The following MEGF11 variants were observed in gnomAD, a reference collection of about 807,000 sequenced individuals.
MEGF11 encodes the protein multiple epidermal growth factor-like domains protein 11.
MEGF11 carries 126 observed loss-of-function variants against 146.6 expected under a neutral mutation model. The observed-to-expected ratio is 0.86, with a 90% confidence interval of 0.74 to 1.00. The LOEUF (loss-of-function observed/expected upper bound fraction) is 1.00. Ranked by LOEUF, MEGF11 falls within the 50% of genes least tolerant of loss-of-function variation. The pLI, the probability that MEGF11 is intolerant of heterozygous loss-of-function variation, is 0.00. For missense variants in MEGF11, 1,509 were observed against 1,521.2 expected, an observed-to-expected ratio of 0.99 and a Z score of 0.13; for synonymous variants, 532 against 583.4, an observed-to-expected ratio of 0.91 and a Z score of 1.27.
intron 1 of MEGF11, among the ~76,000 whole-genome samples, chr15:66,148,488 G>A (rs1036018979): frequency 3.9e-5 from 6 of 152,162 alleles, no homozygotes; most frequent in Admixed American, 3.9e-4. Flanking sequence ...ATGGGGCTGG[G>A]GCAGGAAGAA....
intron 1 of MEGF11, among the ~76,000 whole-genome samples, chr15:66,243,857 A>G (rs542750947): frequency 6.0e-4 from 92 of 152,186 alleles, no homozygotes; most frequent in African/African-American, 2.1e-3. Context: ...ACCTCTACCG[A>G]CCTGCAGAAT....
At chr15:65,952,036 C>A (rs906698662) in intron 10 of MEGF11, among the ~76,000 whole-genome samples, 4 of 152,062 alleles carry the variant, frequency 2.6e-5, no homozygotes, top group African/African-American at 9.7e-5. Context: ...TTTTGAGAGG[C>A]CACATTCACA....
At chr15:66,181,921 C>G (rs1379957160) in intron 1 of MEGF11, among the ~76,000 whole-genome samples, 1 of 152,166 alleles carries the variant, frequency 6.6e-6, no homozygotes, top group East Asian at 1.9e-4. Context: ...CACTGAAGTT[C>G]TCCTAGAGGA....
intron 1 of MEGF11, among the ~76,000 whole-genome samples, chr15:66,251,686 T>A (rs1391397728): frequency 2.0e-5 from 3 of 152,018 alleles, no homozygotes; most frequent in Non-Finnish European, 4.4e-5. Flanking sequence ...AAAGTTAGAG[T>A]GGAATACTAG....
chr15:65,935,978 C>A (rs1048153651), intron 10 of MEGF11, among the ~76,000 whole-genome samples: 4 of 152,206 alleles, frequency 2.6e-5, no homozygotes, highest in Non-Finnish European at 4.4e-5. Flanking sequence ...GCTCTGCCCA[C>A]CCCGGCATAT....
intron 1 of MEGF11, among the ~76,000 whole-genome samples, chr15:66,157,730 G>T (rs576213721): frequency 6.6e-6 from 1 of 152,344 alleles, no homozygotes; most frequent in Non-Finnish European, 1.5e-5. Flanking sequence ...ATAACAAAGA[G>T]TGTATATAGT....
chr15:66,219,454 A>G (rs1167947996), intron 1 of MEGF11, among the ~76,000 whole-genome samples: 2 of 152,242 alleles, frequency 1.3e-5, no homozygotes, highest in African/African-American at 4.8e-5. Flanking sequence ...AGCACATGAA[A>G]AAAATGCTCA....
chr15:66,060,954 C>T (rs1044019118), intron 5 of MEGF11, among the ~76,000 whole-genome samples: 14 of 152,312 alleles, frequency 9.2e-5, no homozygotes, highest in African/African-American at 2.6e-4. Flanking sequence ...GGACCCATGG[C>T]GTTGGCTCCT....
intron 13 of MEGF11, 93 bp downstream of exon 13, chr15:65,928,332 A>T: frequency 2.8e-6 from 2 of 708,608 alleles, no homozygotes; most frequent in Non-Finnish European, 4.7e-6. Flanking sequence ...GATCAAGAAG[A>T]GAGGTATTGA....
rs572715979 is a variant in MEGF11 at position 66,054,399 on chromosome 15, C to T, written c.394+40003G>A. 2.6e-5 allele frequency among the ~76,000 whole-genome samples: 4 copies of T among 152,306 alleles called. No individual in the cohort carries two copies. In the South Asian group the frequency reaches 8.3e-4, roughly 32 times the overall value. ...ACTCCAGCCCCTCATCTCCACCTGC[C>T]CCCACAGACTCTCCAACATTCCCAG... On this transcript the variant is annotated intron_variant, in intron 5 of 25. Transcript: ENST00000395614.
intron 1 of MEGF11, among the ~76,000 whole-genome samples, chr15:66,220,389 GA>G (rs902369427): frequency 4.3e-4 from 65 of 152,254 alleles, no homozygotes; most frequent in African/African-American, 1.5e-3. Context: ...AGTCTCGAGA[GA>G]TTACTGTATG....
At chr15:66,020,113 C>G (rs2083056692) in intron 5 of MEGF11, among the ~76,000 whole-genome samples, 1 of 152,206 alleles carries the variant, frequency 6.6e-6, no homozygotes, top group South Asian at 2.1e-4. Context: ...GTTGATTCTA[C>G]CCTTGTACAG....
At chr15:66,166,248 A>G (rs1013649647) in intron 1 of MEGF11, among the ~76,000 whole-genome samples, 4 of 152,140 alleles carry the variant, frequency 2.6e-5, no homozygotes, top group Non-Finnish European at 4.4e-5. Context: ...CACCATTCAT[A>G]CTGCTACTGG....
intron 3 of MEGF11, among the ~76,000 whole-genome samples, chr15:66,121,212 C>T (rs1253633940): frequency 6.6e-6 from 1 of 152,174 alleles, no homozygotes; most frequent in African/African-American, 2.4e-5. Flanking sequence ...AGGGCCATAC[C>T]CCTGAGCAAA....
intron 5 of MEGF11, among the ~76,000 whole-genome samples, chr15:66,042,925 C>T (rs1021895620): frequency 3.3e-5 from 5 of 152,154 alleles, no homozygotes; most frequent in African/African-American, 1.2e-4. Context: ...CACATTCAGG[C>T]ACTGGGGGTT....
intron 1 of MEGF11, among the ~76,000 whole-genome samples, chr15:66,130,967 G>T (rs1048287475): frequency 2.0e-5 from 3 of 152,190 alleles, no homozygotes; most frequent in African/African-American, 7.2e-5. Context: ...AGTGACAGAG[G>T]TTAACATATT....
chr15:66,105,013 T>G (rs2087000613), intron 4 of MEGF11, among the ~76,000 whole-genome samples: 1 of 152,098 alleles, frequency 6.6e-6, no homozygotes, highest in Admixed American at 6.5e-5. Flanking sequence ...AGGGACCAGA[T>G]GGCATTTGAC....
At position 65,916,811 on chromosome 15, in the gene MEGF11, C is replaced by A. The variant is rs1250123965; in HGVS notation, c.2215+17G>T. On this transcript the variant is annotated intron_variant, in intron 17 of 25. Coordinates refer to ENST00000395614, the MANE Select transcript of MEGF11 (RefSeq NM_001385028.1). ...ATGGTATTCTAAGTGGCTGGGAGGC[C>A]AGGAGGTGGGGCTTACGCTGTGTGC... is the stretch of plus-strand genomic sequence containing the variant. 2 of 1,610,918 alleles carry A rather than the reference C, an allele frequency of 1.2e-6. No homozygotes were observed. The highest frequency in any genetic ancestry group is 1.7e-6 in the Non-Finnish European group (2 of 1,178,598).
intron 24 of MEGF11, chr15:65,905,526 C>T (rs976746409): frequency 6.6e-6 from 1 of 152,244 alleles, no homozygotes; most frequent in South Asian, 2.1e-4. Context: ...TTTGGCTTCA[C>T]CTGTAGACTT....
Sources: allele counts gnomAD v4.1 joint callset (sites outside exome capture counted in the v4.1 genomes callset), GRCh38; gene constraint gnomAD v4.1.1; transcripts MANE v1.5; gene names NCBI Gene and HGNC (gene_info 2026-07-23, HGNC 2026-07-21).